The following DENND4C variants were observed in gnomAD, a reference collection of about 807,000 sequenced individuals.
DENND4C encodes the protein DENN domain-containing protein 4C.
In DENND4C, 108 loss-of-function variants were observed where a neutral mutation model predicts 203.0. The ratio of observed to expected loss-of-function variants is 0.53; its 90% CI spans 0.46 to 0.62. The LOEUF is 0.62. Ranked by LOEUF, DENND4C falls within the 20% of genes least tolerant of loss-of-function variation. The pLI is 0.00. For synonymous variants in DENND4C, 871 were observed against 792.4 expected, an observed-to-expected ratio of 1.10 and a Z score of -1.67; for missense variants, 2,481 against 2,301.2, an observed-to-expected ratio of 1.08 and a Z score of -1.60.
At position 19,359,566 on chromosome 9, in the gene DENND4C, T is replaced by C. The variant is rs1794467736; in HGVS notation, c.5161-678T>C. ...CAAGATGTTTTATGCTTATGTTATATACTTTCTTACCCAGACCTAGAATCA... is the reference window on the plus strand; with the variant it reads ...CAAGATGTTTTATGCTTATGTTATACACTTTCTTACCCAGACCTAGAATCA... On this transcript the variant is annotated intron_variant, in intron 28 of 32. Transcript: ENST00000434457. Among the ~76,000 whole-genome samples, 3 of 151,936 alleles carry C rather than the reference T, an allele frequency of 2.0e-5. 1 individual carries two copies. The highest frequency in any genetic ancestry group is 4.1e-4 in the South Asian group (2 of 4,830).
chr9:19,284,157 G>A (rs1834738509), intron 2 of DENND4C, among the ~76,000 whole-genome samples: 1 of 152,160 alleles, frequency 6.6e-6, no homozygotes, highest in Admixed American at 6.5e-5. Context: ...TAATTGAAAG[G>A]AAGTGGGAGC....
intron 26 of DENND4C, 31 bp downstream of exon 26, chr9:19,352,696 A>C: frequency 6.7e-7 from 1 of 1,493,002 alleles, no homozygotes; most frequent in Non-Finnish European, 9.0e-7. Context: ...CTCAAGAAGT[A>C]AGTACCCTCA....
At chr9:19,309,238 C>G (rs1350216344) in intron 10 of DENND4C, among the ~76,000 whole-genome samples, 1 of 152,108 alleles carries the variant, frequency 6.6e-6, no homozygotes, top group East Asian at 1.9e-4. Flanking sequence ...GCCTGACCAA[C>G]ATGGAGAAAC....
At chr9:19,257,882 C>A (rs1483205782) in intron 1 of DENND4C, among the ~76,000 whole-genome samples, 1 of 152,094 alleles carries the variant, frequency 6.6e-6, no homozygotes, top group Non-Finnish European at 1.5e-5. Context: ...GTAATCCCAG[C>A]ACTTTGGGAG....
chr9:19,267,545 TG>T (rs1830754183), intron 1 of DENND4C, among the ~76,000 whole-genome samples: 1 of 152,132 alleles, frequency 6.6e-6, no homozygotes, highest in Non-Finnish European at 1.5e-5. Flanking sequence ...AAAGTTTTTT[TG>T]TTTTTTTAGA....
At chr9:19,268,281 G>A (rs1351344120) in intron 1 of DENND4C, among the ~76,000 whole-genome samples, 1 of 151,988 alleles carries the variant, frequency 6.6e-6, no homozygotes, top group African/African-American at 2.4e-5. Flanking sequence ...TGTATTTTTT[G>A]TAGAGACGGG....
intron 26 of DENND4C, among the ~76,000 whole-genome samples, chr9:19,355,172 A>C (rs1027260417): frequency 2.0e-5 from 3 of 152,178 alleles, no homozygotes; most frequent in African/African-American, 7.2e-5. Flanking sequence ...GGTCTCCCAA[A>C]GTGCCGGGAT....
chr9:19,339,022 C>G (rs1228204874), intron 20 of DENND4C, among the ~76,000 whole-genome samples: 1 of 152,122 alleles, frequency 6.6e-6, no homozygotes, highest in Non-Finnish European at 1.5e-5. Flanking sequence ...TAACTTCAAA[C>G]TTACAGAAAA....
In DENND4C at chr9:19,357,112, A is replaced by T. The variant is rs1467331494; in HGVS notation, c.4922A>T (p.Asn1641Ile). ...AACTTTATGGACTTCCCAAAACATAACCAGATCATAACTGAAGAAACAGGC... is the reference window on the plus strand; with the variant it reads ...AACTTTATGGACTTCCCAAAACATATCCAGATCATAACTGAAGAAACAGGC... ...LINFMDFPKH[N>I]QIITEETGSA... is the part of the protein sequence containing the mutation. Residue 1641 changes from asparagine (N) to isoleucine (I), a missense_variant, in exon 27 of 33, where the codon AAC (asparagine) becomes ATC (isoleucine). Around this residue, in one of 3 missense-constraint regions of DENND4C, gnomAD observed 2,289 missense variants for 2,113.3 expected, o/e 1.08. Coordinates refer to ENST00000434457, the MANE Select transcript of DENND4C (RefSeq NM_001330640.2). 6.2e-7 allele frequency: 1 copy of T among 1,613,752 alleles called. No homozygotes were observed. The highest frequency in any genetic ancestry group is 8.5e-7 in the Non-Finnish European group (1 of 1,179,864).
At chr9:19,298,951 AT>A (rs1482642577) in intron 7 of DENND4C, among the ~76,000 whole-genome samples, 2 of 152,156 alleles carry the variant, frequency 1.3e-5, no homozygotes, top group African/African-American at 4.8e-5. Context: ...CAGTAGTTCC[AT>A]AAATTTTAAA....
chr9:19,287,258 T>C (rs548490439), intron 3 of DENND4C, among the ~76,000 whole-genome samples: 1 of 152,238 alleles, frequency 6.6e-6, no homozygotes, highest in African/African-American at 2.4e-5. Context: ...TTGTCTGTGT[T>C]ACATTAACAA....
intron 12 of DENND4C, among the ~76,000 whole-genome samples, chr9:19,319,120 G>T (rs750958284): frequency 6.7e-6 from 1 of 149,884 alleles, no homozygotes; most frequent in Non-Finnish European, 1.5e-5. Context: ...GGTGAGCCAA[G>T]ATCACTGTAC....
intron 9 of DENND4C, among the ~76,000 whole-genome samples, chr9:19,304,941 A>G (rs1839380130): frequency 1.4e-5 from 2 of 147,430 alleles, no homozygotes; most frequent in African/African-American, 5.1e-5. Flanking sequence ...GGATGCTTTT[A>G]GTTGGATTTT....
intron 1 of DENND4C, among the ~76,000 whole-genome samples, chr9:19,274,289 A>G (rs997716208): frequency 1.3e-5 from 2 of 151,660 alleles, no homozygotes; most frequent in African/African-American, 4.9e-5. Context: ...ATGTTGATGG[A>G]TATGTTTCTT....
At chr9:19,281,036 G>A (rs1040144013) in intron 2 of DENND4C, among the ~76,000 whole-genome samples, 34 of 152,052 alleles carry the variant, frequency 2.2e-4, no homozygotes, top group African/African-American at 7.7e-4. Flanking sequence ...CCACTGTGCC[G>A]GGCCAGTCGT....
At chr9:19,300,575 A>T (rs544769109) in intron 9 of DENND4C, among the ~76,000 whole-genome samples, 1 of 152,310 alleles carries the variant, frequency 6.6e-6, no homozygotes, top group East Asian at 1.9e-4. Context: ...CATATTTTTG[A>T]GTTCTTCCCA....
rs371943466 is a variant in DENND4C, at chr9:19,287,721, T to C, written c.558+700T>C. Among the ~76,000 whole-genome samples the C allele has an allele frequency of 4.5e-4, 62 of 137,278 alleles. 1 individual carries two copies. In the South Asian group the frequency reaches 0.014, roughly 31 times the overall value. The allele number at this position is 137,278 out of a possible 152,430, so 90.1% of individuals were successfully genotyped here. On this transcript the variant is annotated intron_variant, in intron 3 of 32. Coordinates refer to ENST00000434457, the MANE Select transcript of DENND4C (RefSeq NM_001330640.2). ...GAACTCTAGGGCTCAAGAGAAAATA[T>C]TGCAGTTTTGCATACTTATTTTTTT...
intron 1 of DENND4C, among the ~76,000 whole-genome samples, chr9:19,245,278 C>G (rs1285145172): frequency 6.6e-6 from 1 of 151,088 alleles, no homozygotes; most frequent in East Asian, 2.0e-4. Flanking sequence ...ACCATCCTGG[C>G]TAACAAGGTG....
In DENND4C at chr9:19,243,447, A is replaced by G. The variant is rs1438598641; in HGVS notation, c.-18+12614A>G. 3.3e-5 allele frequency among the ~76,000 whole-genome samples: 5 copies of G among 152,318 alleles called. No individual in the cohort carries two copies. In the East Asian group the frequency reaches 9.6e-4, roughly 29 times the overall value. On this transcript the variant is annotated intron_variant, in intron 1 of 32. Transcript: ENST00000434457. ...TTCACAATGTCATGCAAGTATTACCACAAACTAAATGTTCCCAAACGTTTT... is the reference window on the plus strand; with the variant it reads ...TTCACAATGTCATGCAAGTATTACCGCAAACTAAATGTTCCCAAACGTTTT...
Sources: allele counts gnomAD v4.1 joint callset (sites outside exome capture counted in the v4.1 genomes callset), GRCh38; gene constraint gnomAD v4.1.1; regional missense constraint gnomAD v4.1.1; transcripts MANE v1.5; gene names NCBI Gene and HGNC (gene_info 2026-07-23, HGNC 2026-07-21).